Variants in TMEM132D observed in about 807,000 individuals in gnomAD.
TMEM132D encodes the protein mature OL transmembrane protein.
In TMEM132D, 21 loss-of-function variants were observed where a neutral mutation model predicts 62.3. The observed-to-expected ratio is 0.34, with a 90% CI of 0.24 to 0.49. TMEM132D has a LOEUF of 0.49. TMEM132D is among the 20% of genes least tolerant of loss of function. The pLI is 0.99. For missense variants in TMEM132D, 1,346 were observed against 1,402.8 expected (o/e 0.96, Z 0.65); for synonymous variants, 621 against 575.6 (o/e 1.08, Z -1.13).
intron 4 of TMEM132D, among the ~76,000 whole-genome samples, chr12:129,312,044 C>T (rs1450225234): frequency 6.6e-6 from 1 of 152,158 alleles, no homozygotes; most frequent in Non-Finnish European, 1.5e-5. Flanking sequence ...ATCACCCTAG[C>T]TGCTATAGAG....
intron 2 of TMEM132D, among the ~76,000 whole-genome samples, chr12:129,643,930 G>A (rs1036730495): frequency 1.3e-5 from 2 of 150,282 alleles, no homozygotes; most frequent in Admixed American, 6.7e-5. Flanking sequence ...CTGCAACCTC[G>A]TGCAACCTCG....
intron 5 of TMEM132D, among the ~76,000 whole-genome samples, chr12:129,177,936 T>C (rs1877953385): frequency 6.6e-6 from 1 of 152,144 alleles, no homozygotes; most frequent in African/African-American, 2.4e-5. Flanking sequence ...CTGCACCCTC[T>C]GGTAGGCCCC....
Position 129,075,042 on chromosome 12 carries a change from G to A in TMEM132D, c.2133C>T (p.Cys711=), listed in dbSNP as rs2135605722. The part of the protein sequence containing the change: ...QRPKQEAAIS[C]WVQFSDGSVT... Reference sequence around the variant, plus strand: ...CTGAGCCATCACTGAACTGGACCCAGCAACTGATGGCTGCTTCCTATGGAG... The same window carrying A: ...CTGAGCCATCACTGAACTGGACCCAACAACTGATGGCTGCTTCCTATGGAG... Residue 711 remains cysteine (C), a synonymous_variant, in exon 9 of 9, where the codon TGC becomes TGT. Coordinates refer to ENST00000422113, the MANE Select transcript of TMEM132D (RefSeq NM_133448.3). The A allele has an allele frequency of 6.2e-7, 1 of 1,605,820 alleles. No homozygotes were observed. Among genetic ancestry groups the A allele is most frequent in the Non-Finnish European group, 8.5e-7 (1 of 1,177,488 alleles).
At chr12:129,541,840 C>T (rs1876592815) in intron 2 of TMEM132D, among the ~76,000 whole-genome samples, 2 of 152,146 alleles carry the variant, frequency 1.3e-5, no homozygotes, top group African/African-American at 4.8e-5. Context: ...TGATTATTAC[C>T]ATTATCTTCT....
intron 3 of TMEM132D, among the ~76,000 whole-genome samples, chr12:129,464,010 A>G (rs1020476923): frequency 4.6e-5 from 7 of 150,692 alleles, no homozygotes; most frequent in Admixed American, 4.0e-4. Flanking sequence ...TGGCTGGGTC[A>G]AACGGTATTT....
chr12:129,483,320 C>G (rs1474632498), intron 3 of TMEM132D, among the ~76,000 whole-genome samples: 1 of 152,176 alleles, frequency 6.6e-6, no homozygotes, highest in Non-Finnish European at 1.5e-5. Context: ...AGTACAGACG[C>G]TTGGGCCCCA....
At chr12:129,552,021 G>A (rs1876912113) in intron 2 of TMEM132D, among the ~76,000 whole-genome samples, 1 of 152,188 alleles carries the variant, frequency 6.6e-6, no homozygotes, top group Non-Finnish European at 1.5e-5. Context: ...CGAGGGAAGG[G>A]TCTCTCTTGC....
At chr12:129,613,756 G>A (rs1878840069) in intron 2 of TMEM132D, among the ~76,000 whole-genome samples, 1 of 137,732 alleles carries the variant, frequency 7.3e-6, no homozygotes, top group African/African-American at 2.5e-5. Context: ...CAGAACCAAG[G>A]TGACTGTCTC....
intron 3 of TMEM132D, among the ~76,000 whole-genome samples, chr12:129,400,081 T>C (rs1001642847): frequency 2.6e-5 from 4 of 152,078 alleles, no homozygotes; most frequent in Non-Finnish European, 4.4e-5. Context: ...CAGAGAAATA[T>C]GGTTTCATCT....
intron 1 of TMEM132D, among the ~76,000 whole-genome samples, chr12:129,751,646 G>A (rs1482553789): frequency 6.6e-6 from 1 of 152,176 alleles, no homozygotes; most frequent in Non-Finnish European, 1.5e-5. Context: ...CCCAGCCAAG[G>A]TGACAGATGT....
At chr12:129,317,398 T>A (rs576272378) in intron 4 of TMEM132D, among the ~76,000 whole-genome samples, 1 of 152,182 alleles carries the variant, frequency 6.6e-6, no homozygotes, top group Non-Finnish European at 1.5e-5. Flanking sequence ...CCTTCATATA[T>A]GGTGCTTAGT....
chr12:129,357,299 G>A (rs1340986818), intron 3 of TMEM132D, among the ~76,000 whole-genome samples: 1 of 143,512 alleles, frequency 7.0e-6, no homozygotes, highest in Non-Finnish European at 1.5e-5. Context: ...GAGAAAGAAA[G>A]AAAGAAGGAA....
intron 4 of TMEM132D, among the ~76,000 whole-genome samples, chr12:129,251,129 G>C (rs1342071984): frequency 2.6e-5 from 4 of 151,990 alleles, no homozygotes; most frequent in Non-Finnish European, 1.5e-5. Flanking sequence ...AGGCTGAGGT[G>C]GGTGGGTTGC....
intron 4 of TMEM132D, among the ~76,000 whole-genome samples, chr12:129,231,890 A>G (rs1436026556): frequency 1.3e-5 from 2 of 152,240 alleles, no homozygotes; most frequent in Non-Finnish European, 2.9e-5. Flanking sequence ...CCAAGTCTAC[A>G]GAATATAATC....
chr12:129,895,118 G>A (rs1452131316), intron 1 of TMEM132D, among the ~76,000 whole-genome samples: 1 of 152,110 alleles, frequency 6.6e-6, no homozygotes, highest in Non-Finnish European at 1.5e-5. Flanking sequence ...CGTGCTCAAG[G>A]TTCATACCAC....
intron 3 of TMEM132D, among the ~76,000 whole-genome samples, chr12:129,405,746 T>C (rs1424999754): frequency 1.3e-5 from 2 of 152,158 alleles, no homozygotes; most frequent in African/African-American, 2.4e-5. Context: ...TGAGAAGAGA[T>C]GGAGGATTTC....
intron 2 of TMEM132D, among the ~76,000 whole-genome samples, chr12:129,646,279 A>G (rs910357322): frequency 2.0e-5 from 3 of 152,176 alleles, no homozygotes; most frequent in East Asian, 1.9e-4. Flanking sequence ...ACCACCTTTC[A>G]GCAGGTATTA....
chr12:129,838,565 A>G (rs1390916413), intron 1 of TMEM132D, among the ~76,000 whole-genome samples: 1 of 152,248 alleles, frequency 6.6e-6, no homozygotes, highest in Non-Finnish European at 1.5e-5. Flanking sequence ...GTGGCTCTGT[A>G]ACTGTTGGTT....
intron 2 of TMEM132D, among the ~76,000 whole-genome samples, chr12:129,558,359 G>T (rs1382606766): frequency 6.6e-6 from 1 of 152,102 alleles, no homozygotes; most frequent in Admixed American, 6.6e-5. Context: ...CATTCCTATG[G>T]GTTTCATCTG....
Sources: allele counts gnomAD v4.1 joint callset (sites outside exome capture counted in the v4.1 genomes callset), GRCh38; gene constraint gnomAD v4.1.1; transcripts MANE v1.5; gene names NCBI Gene and HGNC (gene_info 2026-07-23, HGNC 2026-07-21).